The following RNF150 variants were observed in gnomAD, a reference collection of about 807,000 sequenced individuals.
The protein encoded by RNF150 is ring finger protein 150.
In RNF150, 24 loss-of-function variants were observed where a neutral mutation model predicts 39.3. The observed-to-expected ratio is 0.61, with a 90% CI of 0.44 to 0.86. RNF150 has a LOEUF of 0.86. Ranked by LOEUF, RNF150 falls within the 40% of genes least tolerant of loss-of-function variation. The pLI is 0.00. For missense variants in RNF150, 502 were observed against 587.8 expected (o/e 0.85, Z 1.51); for synonymous variants, 255 against 227.3 (o/e 1.12, Z -1.10).
chr4:141,171,713 T>C (rs1277926634), intron 1 of RNF150, among the ~76,000 whole-genome samples: 1 of 152,228 alleles, frequency 6.6e-6, no homozygotes, highest in Admixed American at 6.5e-5. Flanking sequence ...TACATGTGCA[T>C]GTACATATAG....
At chr4:141,154,485 TA>T (rs1339389396) in intron 1 of RNF150, among the ~76,000 whole-genome samples, 4 of 152,134 alleles carry the variant, frequency 2.6e-5, no homozygotes, top group South Asian at 2.1e-4. Flanking sequence ...ATCAGTGGGC[TA>T]AATGCTGGGG....
At position 140,891,323 on chromosome 4, in the gene RNF150, A is replaced by G. The variant is rs1246449378; in HGVS notation, c.1198+19821T>C. ...TTCTCTCAAAGTCTCAGAAAGAGCCAGTAGTAAGTGGCAGAACTAGGACTT... is the reference window on the plus strand; with the variant it reads ...TTCTCTCAAAGTCTCAGAAAGAGCCGGTAGTAAGTGGCAGAACTAGGACTT... On this transcript the variant is annotated intron_variant, in intron 6 of 6. Coordinates refer to ENST00000515673, the MANE Select transcript of RNF150 (RefSeq NM_020724.2). Among the ~76,000 whole-genome samples the G allele has an allele frequency of 5.3e-5, 8 of 152,196 alleles. No individual in the cohort carries two copies. The East Asian group carries it at 1.5e-3, about 29-fold the overall frequency.
intron 1 of RNF150, among the ~76,000 whole-genome samples, chr4:141,076,162 A>C (rs1435330560): frequency 6.6e-6 from 1 of 152,178 alleles, no homozygotes; most frequent in East Asian, 1.9e-4. Context: ...TATTTTCTAA[A>C]AGATGACATG....
chr4:141,149,077 A>T (rs761239510), intron 1 of RNF150, among the ~76,000 whole-genome samples: 1 of 152,174 alleles, frequency 6.6e-6, no homozygotes, highest in South Asian at 2.1e-4. Flanking sequence ...AGTCAAGTAA[A>T]TATTCTTTAG....
chr4:141,093,172 C>A (rs1341989044), intron 1 of RNF150, among the ~76,000 whole-genome samples: 1 of 152,100 alleles, frequency 6.6e-6, no homozygotes, highest in African/African-American at 2.4e-5. Flanking sequence ...CAAGACCATC[C>A]TGGCTAACAC....
At chr4:140,925,310 C>T (rs1731347341) in intron 5 of RNF150, among the ~76,000 whole-genome samples, 1 of 152,154 alleles carries the variant, frequency 6.6e-6, no homozygotes, top group Non-Finnish European at 1.5e-5. Context: ...GGAAAGTCTC[C>T]CTGGAGCATC....
chr4:140,924,165 T>C (rs558653117), intron 5 of RNF150, among the ~76,000 whole-genome samples: 1 of 152,192 alleles, frequency 6.6e-6, no homozygotes, highest in Non-Finnish European at 1.5e-5. Context: ...TACTGATGTT[T>C]ATTTTTCTGA....
chr4:141,003,044 GT>G (rs1734724957), intron 1 of RNF150, among the ~76,000 whole-genome samples: 1 of 152,074 alleles, frequency 6.6e-6, no homozygotes, highest in Non-Finnish European at 1.5e-5. Context: ...CACCACTACT[GT>G]AAAGTGATTG....
At chr4:140,930,415 T>A (rs1344351974) in intron 4 of RNF150, among the ~76,000 whole-genome samples, 1 of 152,202 alleles carries the variant, frequency 6.6e-6, no homozygotes, top group Non-Finnish European at 1.5e-5. Flanking sequence ...ATCCCTCCAA[T>A]TAGGACACAA....
At chr4:140,920,217 C>T (rs1331357211) in intron 5 of RNF150, among the ~76,000 whole-genome samples, 1 of 148,968 alleles carries the variant, frequency 6.7e-6, no homozygotes, top group African/African-American at 2.5e-5. Context: ...AGCTTCTGCA[C>T]AGTGAAAGAA....
intron 1 of RNF150, among the ~76,000 whole-genome samples, chr4:141,173,037 A>G (rs1204879937): frequency 6.6e-6 from 1 of 152,098 alleles, no homozygotes; most frequent in Non-Finnish European, 1.5e-5. Flanking sequence ...AAAAAAAGAA[A>G]AAAAAAAAGA....
chr4:141,030,265 C>T (rs1735885601), intron 1 of RNF150, among the ~76,000 whole-genome samples: 1 of 131,786 alleles, frequency 7.6e-6, no homozygotes, highest in Non-Finnish European at 1.6e-5. Flanking sequence ...CACCTCATAC[C>T]CATTATAATG....
At chr4:141,156,070 G>T (rs1442078449) in intron 1 of RNF150, among the ~76,000 whole-genome samples, 2 of 150,362 alleles carry the variant, frequency 1.3e-5, no homozygotes, top group Non-Finnish European at 3.0e-5. Context: ...AGGCAACATG[G>T]ACCTTCCATC....
At chr4:141,044,907 T>C (rs890151477) in intron 1 of RNF150, among the ~76,000 whole-genome samples, 19 of 152,206 alleles carry the variant, frequency 1.2e-4, no homozygotes, top group African/African-American at 4.6e-4. Context: ...AATAGCACAA[T>C]TTGTTAGTTT....
chr4:140,990,285 C>T (rs1056883389), intron 1 of RNF150, among the ~76,000 whole-genome samples: 3 of 152,126 alleles, frequency 2.0e-5, no homozygotes, highest in Admixed American at 2.0e-4. Flanking sequence ...TTTTCTCTTT[C>T]GTAAATGACT....
intron 1 of RNF150, among the ~76,000 whole-genome samples, chr4:141,139,899 T>C (rs1727090329): frequency 6.6e-6 from 1 of 152,196 alleles, no homozygotes; most frequent in South Asian, 2.1e-4. Context: ...GTCTCAGATA[T>C]TCATCATCTT....
chr4:141,165,941 C>T (rs895488261), intron 1 of RNF150, among the ~76,000 whole-genome samples: 27 of 151,928 alleles, frequency 1.8e-4, no homozygotes, highest in African/African-American at 6.5e-4. Context: ...CAAGAAATAA[C>T]AAAGATCACA....
At chr4:140,887,647 A>C (rs564988917) in intron 6 of RNF150, among the ~76,000 whole-genome samples, 1 of 152,280 alleles carries the variant, frequency 6.6e-6, no homozygotes, top group Non-Finnish European at 1.5e-5. Flanking sequence ...TCACCCTGTT[A>C]CAAAATAGCA....
At chr4:140,987,879 C>T (rs574885421) in intron 1 of RNF150, among the ~76,000 whole-genome samples, 1 of 152,184 alleles carries the variant, frequency 6.6e-6, no homozygotes, top group South Asian at 2.1e-4. Context: ...GGCCTAATAT[C>T]CACAATCTAC....
Sources: gnomAD v4.1 joint callset for allele counts (sites outside exome capture counted in the v4.1 genomes callset) on GRCh38, gnomAD v4.1.1 for gene constraint, MANE v1.5 for transcripts, NCBI Gene and HGNC (gene_info 2026-07-23, HGNC 2026-07-21) for gene names.